ATL2: variants seen among roughly 807,000 people sequenced by gnomAD.
ATL2 encodes atlastin-2.
ATL2 carries 31 observed loss-of-function variants against 73.9 expected under a neutral mutation model. The ratio of observed to expected loss-of-function variants is 0.42; its 90% CI spans 0.32 to 0.57. The LOEUF (loss-of-function observed/expected upper bound fraction) is 0.57, where lower values mean the gene tolerates loss of function less well. ATL2 is among the 20% of genes least tolerant of loss of function. The pLI is 0.14. For synonymous variants in ATL2, 291 were observed against 237.5 expected, an observed-to-expected ratio of 1.23 and a Z score of -2.07; for missense variants, 738 against 702.6, an observed-to-expected ratio of 1.05 and a Z score of -0.57.
chr2:38,334,853 ATATTTATATAT>A, intron 2 of ATL2, among the ~76,000 whole-genome samples: 1 of 133,142 alleles, frequency 7.5e-6, no homozygotes, highest in South Asian at 2.1e-4. Flanking sequence ...TTTATATTCA[ATATTTATATAT>A]TATATAATAT....
At chr2:38,306,958 A>G (rs185217110) in intron 9 of ATL2, among the ~76,000 whole-genome samples, 3 of 152,358 alleles carry the variant, frequency 2.0e-5, no homozygotes, top group East Asian at 3.9e-4. Context: ...CTGAATATCC[A>G]TATGCAGAGG....
At chr2:38,358,144 A>G (rs1335227371) in intron 1 of ATL2, among the ~76,000 whole-genome samples, 3 of 152,168 alleles carry the variant, frequency 2.0e-5, no homozygotes, top group East Asian at 3.8e-4. Context: ...AACAAGGGTC[A>G]CTCTATTTCA....
chr2:38,309,058 T>A (rs1190820226), intron 9 of ATL2, among the ~76,000 whole-genome samples: 1 of 152,148 alleles, frequency 6.6e-6, no homozygotes, highest in East Asian at 1.9e-4. Context: ...TGTAAAATTA[T>A]GCTTTCCATT....
chr2:38,320,655 C>A (rs942899553), intron 2 of ATL2, among the ~76,000 whole-genome samples: 3 of 152,048 alleles, frequency 2.0e-5, no homozygotes, highest in Admixed American at 6.6e-5. Context: ...TACTTAAAGC[C>A]CACATAGCCT....
chr2:38,303,313 C>T (rs1188236178), intron 9 of ATL2, among the ~76,000 whole-genome samples: 2 of 151,970 alleles, frequency 1.3e-5, no homozygotes, highest in East Asian at 1.9e-4. Flanking sequence ...TCAAAGGATC[C>T]TCCTACCTCA....
At chr2:38,364,468 C>G (rs1200389762) in intron 1 of ATL2, among the ~76,000 whole-genome samples, 3 of 151,980 alleles carry the variant, frequency 2.0e-5, no homozygotes, top group African/African-American at 7.2e-5. Flanking sequence ...AGTGAGAAGC[C>G]CAAAGTCAAG....
intron 7 of ATL2, among the ~76,000 whole-genome samples, chr2:38,310,778 C>T (rs1175486107): frequency 6.6e-6 from 1 of 152,030 alleles, no homozygotes; most frequent in African/African-American, 2.4e-5. Context: ...GCTGGGATTA[C>T]AGGCGTGCAC....
chr2:38,321,353 C>T (rs753496688), intron 2 of ATL2, among the ~76,000 whole-genome samples: 1 of 152,010 alleles, frequency 6.6e-6, no homozygotes, highest in African/African-American at 2.4e-5. Flanking sequence ...TTTTCAATAC[C>T]TACAACTTAA....
At chr2:38,316,035 T>C (rs893534991) in intron 4 of ATL2, among the ~76,000 whole-genome samples, 2 of 151,940 alleles carry the variant, frequency 1.3e-5, no homozygotes, top group East Asian at 3.9e-4. Flanking sequence ...GACAGATCTT[T>C]AGACAGTAAT....
In ATL2 at chr2:38,295,992, T is replaced by A. The variant is rs1218810753; in HGVS notation, c.*2A>T. The A allele has an allele frequency of 6.5e-7, 1 of 1,542,626 alleles. No homozygotes were observed. Among genetic ancestry groups the A allele is most frequent in the Admixed American group, 2.0e-5 (1 of 50,694 alleles). On this transcript the variant is annotated 3_prime_UTR_variant, in exon 13 of 13. Transcript: ENST00000378954. The stretch of plus-strand genomic sequence containing the variant: ...GAGTGGAGTCCGTGAGGAGATGAAC[T>A]GTCAGTCTGTCTTTAATCTGGCATG...
chr2:38,323,917 T>A (rs544504286), intron 2 of ATL2, among the ~76,000 whole-genome samples: 2 of 152,138 alleles, frequency 1.3e-5, no homozygotes, highest in South Asian at 2.1e-4. Context: ...GCTGGAAGAA[T>A]AAAGGTTCAT....
chr2:38,366,858 A>G (rs1005445740), intron 1 of ATL2, among the ~76,000 whole-genome samples: 1 of 152,186 alleles, frequency 6.6e-6, no homozygotes, highest in Non-Finnish European at 1.5e-5. Flanking sequence ...TTGTCTAAGT[A>G]TGGTCCTCTA....
intron 2 of ATL2, among the ~76,000 whole-genome samples, chr2:38,338,748 G>T (rs1266426718): frequency 6.6e-6 from 1 of 152,162 alleles, no homozygotes; most frequent in Non-Finnish European, 1.5e-5. Flanking sequence ...CAGGTGAAGA[G>T]TACCATTCCT....
chr2:38,370,410 C>T (rs1671610729), intron 1 of ATL2, among the ~76,000 whole-genome samples: 1 of 134,982 alleles, frequency 7.4e-6, no homozygotes, highest in African/African-American at 2.7e-5. Context: ...GATCGCGCCA[C>T]TGCGCTCCAG....
chr2:38,375,986 G>C, intron 1 of ATL2: 16 of 1,155,240 alleles, frequency 1.4e-5, no homozygotes, highest in Non-Finnish European at 1.8e-5. Flanking sequence ...GTGAGTCCTT[G>C]TGGTTAACAT....
intron 1 of ATL2, among the ~76,000 whole-genome samples, chr2:38,354,867 G>A (rs1392559548): frequency 6.6e-6 from 1 of 151,928 alleles, no homozygotes; most frequent in African/African-American, 2.4e-5. Flanking sequence ...TCCAACCTGG[G>A]TAAGAAGAGC....
intron 9 of ATL2, among the ~76,000 whole-genome samples, chr2:38,305,363 C>A (rs1005073869): frequency 6.6e-6 from 1 of 152,140 alleles, no homozygotes; most frequent in African/African-American, 2.4e-5. Context: ...GCCTGGCCAA[C>A]ATGGTGAAAC....
intron 2 of ATL2, among the ~76,000 whole-genome samples, chr2:38,326,328 A>G (rs1359058652): frequency 1.3e-5 from 2 of 152,220 alleles, no homozygotes; most frequent in African/African-American, 2.4e-5. Flanking sequence ...TCTCCCAACT[A>G]GATTAACATA....
At chr2:38,304,014 A>G (rs1028972325) in intron 9 of ATL2, among the ~76,000 whole-genome samples, 3 of 152,134 alleles carry the variant, frequency 2.0e-5, no homozygotes, top group Non-Finnish European at 4.4e-5. Flanking sequence ...CTGTAATCTC[A>G]GCACCTTGGC....
Sources: gnomAD v4.1 joint callset for allele counts (sites outside exome capture counted in the v4.1 genomes callset) on GRCh38, gnomAD v4.1.1 for gene constraint, MANE v1.5 for transcripts, NCBI Gene and HGNC (gene_info 2026-07-23, HGNC 2026-07-21) for gene names.